The following RWDD2A variants were observed in gnomAD, a reference collection of about 807,000 sequenced individuals.
The protein encoded by RWDD2A is RWD domain containing 2A.
RWDD2A carries 15 observed loss-of-function variants against 23.1 expected under a neutral mutation model. The observed-to-expected ratio is 0.65, with a 90% CI of 0.43 to 1.00. RWDD2A has a LOEUF of 1.00. Ranked by LOEUF, RWDD2A falls within the 50% of genes least tolerant of loss-of-function variation. The probability of loss-of-function intolerance (pLI) is 0.00; values close to 1 mark genes in which losing one functional copy is unlikely to be tolerated. For missense variants in RWDD2A, 310 were observed against 341.7 expected (o/e 0.91, Z 0.73); for synonymous variants, 103 against 123.0 (o/e 0.84, Z 1.08).
In RWDD2A at chr6:83,195,813, T is replaced by C; in HGVS notation, c.420T>C (p.Leu140=). The change falls in exon 3 of 3, where the codon CTT becomes CTC. Residue 140 remains leucine (L), a synonymous_variant. Transcript: ENST00000369724. ...CATCTTATTTCCTGAACAGAAAGCTTGTATATGAACCATCTACACAAGCAA... is the reference window on the plus strand; with the variant it reads ...CATCTTATTTCCTGAACAGAAAGCTCGTATATGAACCATCTACACAAGCAA... ...NSASYFLNRK[L]VYEPSTQAKP... is the part of the protein sequence containing the mutation. 6.2e-7 allele frequency: 1 copy of C among 1,613,980 alleles called. No homozygotes were observed. The highest frequency in any genetic ancestry group is 1.1e-5 in the South Asian group (1 of 91,074).
In RWDD2A at chr6:83,195,725, G is replaced by A. The variant is rs1789560520; in HGVS notation, c.332G>A (p.Gly111Glu). The stretch of plus-strand genomic sequence containing the variant: ...AACAAAGGTCTCACTTCTTACATAG[G>A]GACTTTTGATCCAGGTGAGCTCTGT... ...LLNKGLTSYI[G>E]TFDPGELCVC... Residue 111 changes from glycine to glutamate, a missense_variant, in exon 3 of 3, where the codon GGG becomes GAG. Transcript: ENST00000369724. 1.2e-6 allele frequency: 2 copies of A among 1,614,128 alleles called. No homozygotes were observed. Among genetic ancestry groups the A allele is most frequent in the East Asian group, 4.5e-5 (2 of 44,880 alleles).
chr6:83,196,188 ATTC>A lies in RWDD2A; in HGVS notation c.798_800del (p.Phe266del). On this transcript the variant is annotated inframe_deletion, in exon 3 of 3. Transcript: ENST00000369724. ...ATGACTATCACATGAATCTGGGCCA[ATTC>A]TTAGAATTTCTCAAGAAGCACAAAA... 6.2e-7 allele frequency: 1 copy of A among 1,608,960 alleles called. No individual in the cohort carries two copies. Among genetic ancestry groups the A allele is most frequent in the Non-Finnish European group, 8.5e-7 (1 of 1,178,460 alleles).
At position 83,196,167 on chromosome 6, in the gene RWDD2A, C is replaced by G. The variant is rs1789582625; in HGVS notation, c.774C>G (p.Asp258Glu). 2 of 1,613,388 alleles carry G rather than the reference C, an allele frequency of 1.2e-6. No individual in the cohort carries two copies. The highest frequency in any genetic ancestry group is 2.7e-5 in the African/African-American group (2 of 74,894). Residue 258 changes from aspartate (D) to glutamate (E), a missense_variant, in exon 3 of 3, where the codon GAC becomes GAG. Coordinates refer to ENST00000369724, the MANE Select transcript of RWDD2A (RefSeq NM_033411.5). ...EAHGDYGLRN[D>E]YHMNLGQFLE... The stretch of plus-strand genomic sequence containing the variant: ...ATGGTGACTATGGATTAAGGAATGA[C>G]TATCACATGAATCTGGGCCAATTCT...
Position 83,196,476 on chromosome 6 carries a change from G to A in RWDD2A, c.*204G>A. 1 of 347,994 alleles carries A rather than the reference G, an allele frequency of 2.9e-6. No homozygotes were observed. The allele number at this position is 347,994 out of a possible 1,614,324, so 21.6% of individuals were successfully genotyped here. A position where few individuals can be genotyped will look rare whatever the true frequency, so the allele number is the denominator to read the frequency against. On this transcript the variant is annotated 3_prime_UTR_variant, in exon 3 of 3. Transcript: ENST00000369724. ...ATTGCAATTGTGATGTTATCTCTAG[G>A]TTTTTGTGTGAAGTCATTCAAAAAC...
In RWDD2A at chr6:83,198,867, G is replaced by A. The variant is rs1301542396; in HGVS notation, c.*2595G>A. On this transcript the variant is annotated 3_prime_UTR_variant, in exon 3 of 3. Transcript: ENST00000369724. ...ATTCTTAAATGGTTATTTGGAAAAT[G>A]TGCTCATTTATAAAAGTTACAGTGT... The A allele has an allele frequency of 6.6e-6, 1 of 152,228 alleles. No homozygotes were observed. Among genetic ancestry groups the A allele is most frequent in the Non-Finnish European group, 1.5e-5 (1 of 68,046 alleles). 9.4% of individuals were successfully genotyped at this position (152,228 alleles called of 1,614,324 possible).
At position 83,197,125 on chromosome 6, in the gene RWDD2A, T is replaced by A. The variant is rs1438167243; in HGVS notation, c.*853T>A. 1.6e-4 allele frequency: 25 copies of A among 152,234 alleles called. No homozygotes were observed. The highest frequency in any genetic ancestry group is 1.6e-3 in the Admixed American group (25 of 15,284). The allele number at this position is 152,234 out of a possible 1,614,324, so 9.4% of individuals were successfully genotyped here. A position where few individuals can be genotyped will look rare whatever the true frequency, so the allele number is the denominator to read the frequency against. On this transcript the variant is annotated 3_prime_UTR_variant, in exon 3 of 3. Transcript: ENST00000369724. ...ACACAATGCTATGTGTTCTGGCTGT[T>A]TATATCAGTTCATGATACTAGCAAT...
chr6:83,196,115 C>T lies in RWDD2A; in HGVS notation c.722C>T (p.Ser241Phe). The T allele has an allele frequency of 6.2e-7, 1 of 1,613,950 alleles. No homozygotes were observed. The highest frequency in any genetic ancestry group is 1.1e-5 in the South Asian group (1 of 91,024). ...GGTGAGGACCTGCGCCTTTTCCATT[C>T]TTTTGAAGAGTTACTCCTTGAGGCT... is the stretch of plus-strand genomic sequence containing the variant. ...GNGEDLRLFH[S>F]FEELLLEAHG... is the part of the protein sequence containing the mutation. The change falls in exon 3 of 3, where the codon TCT (serine) becomes TTT (phenylalanine). Residue 241 changes from serine (S) to phenylalanine (F), a missense_variant. Physicochemically the swap from Ser to Phe is radical, Grantham distance 155. Transcript: ENST00000369724.
At chr6:83,194,744 T>C in intron 2 of RWDD2A, 92 bp downstream of exon 2, 1 of 918,646 alleles carries the variant, frequency 1.1e-6, no homozygotes, top group Non-Finnish European at 1.7e-6. Flanking sequence ...GATAGAAATA[T>C]TCCAGGTGCA....
At position 83,195,901 on chromosome 6, in the gene RWDD2A, C is replaced by G. The variant is rs764324243; in HGVS notation, c.508C>G (p.Leu170Val). The G allele has an allele frequency of 1.9e-6, 3 of 1,614,128 alleles. No homozygotes were observed. Among genetic ancestry groups the G allele is most frequent in the Non-Finnish European group, 2.5e-6 (3 of 1,180,026 alleles). ...IYSHHIYQQD[L>V]RKKILDVGKR... ...CAGTCACCATATATATCAGCAGGAC[C>G]TAAGGAAAAAGATTTTGGATGTTGG... The change falls in exon 3 of 3, where the codon CTA (leucine) becomes GTA (valine). Residue 170 changes from leucine (L) to valine (V), a missense_variant. Leu to Val is a conservative substitution (Grantham distance 32). Transcript: ENST00000369724.
Position 83,196,396 on chromosome 6 carries a change from C to A in RWDD2A, c.*124C>A. On this transcript the variant is annotated 3_prime_UTR_variant, in exon 3 of 3. Transcript: ENST00000369724. The stretch of plus-strand genomic sequence containing the variant: ...GCAAAACCCAGCTCCAGAATTTTCA[C>A]CTGGTAACGAATTTCAACTGACAGT... 1 of 653,070 alleles carries A rather than the reference C, an allele frequency of 1.5e-6. No homozygotes were observed. The highest frequency in any genetic ancestry group is 2.4e-6 in the Non-Finnish European group (1 of 421,728). The allele number at this position is 653,070 out of a possible 1,614,324, so 40.5% of individuals were successfully genotyped here.
At position 83,194,660 on chromosome 6, in the gene RWDD2A, C is replaced by A; in HGVS notation, c.201+8C>A. 1.2e-6 allele frequency: 2 copies of A among 1,610,514 alleles called. No individual in the cohort carries two copies. Among genetic ancestry groups the A allele is most frequent in the Non-Finnish European group, 1.7e-6 (2 of 1,178,016 alleles). The stretch of plus-strand genomic sequence containing the variant: ...CAGATTGAAGAGCCCAAGGTAGGTA[C>A]CCTGATTTAAGTGTTTGCCAGGTGC... On this transcript the variant is annotated splice_region_variant and intron_variant, in intron 2 of 2. Coordinates refer to ENST00000369724, the MANE Select transcript of RWDD2A (RefSeq NM_033411.5).
In RWDD2A at chr6:83,198,933, G is replaced by C. The variant is rs1789695687; in HGVS notation, c.*2661G>C. On this transcript the variant is annotated 3_prime_UTR_variant, in exon 3 of 3. Coordinates refer to ENST00000369724, the MANE Select transcript of RWDD2A (RefSeq NM_033411.5). Reference sequence around the variant, plus strand: ...TGAAGTAAATGAAGCATATCGTCAAGTATGTTCTTTGCTTTTCATTCCTTA... The same window carrying C: ...TGAAGTAAATGAAGCATATCGTCAACTATGTTCTTTGCTTTTCATTCCTTA... The C allele has an allele frequency of 6.6e-6, 1 of 152,216 alleles. No homozygotes were observed. Among genetic ancestry groups the C allele is most frequent in the South Asian group, 2.1e-4 (1 of 4,836 alleles). 9.4% of individuals were successfully genotyped at this position (152,216 alleles called of 1,614,324 possible).
At chr6:83,194,783 C>T (rs200145276) in intron 2 of RWDD2A, 131 bp downstream of exon 2, 3 of 685,598 alleles carry the variant, frequency 4.4e-6, no homozygotes, top group East Asian at 5.4e-5. Context: ...ATACGGAATG[C>T]TCTATAAATT....
rs528084299 is a variant in RWDD2A, at chr6:83,193,406, C to G, written c.-178C>G. ...GAGGAACTGCGGCTGCGGTTCCGAG[C>G]GGGGTCTGGGGCTGTTACCATTGAG... On this transcript the variant is annotated 5_prime_UTR_variant, in exon 1 of 3. Coordinates refer to ENST00000369724, the MANE Select transcript of RWDD2A (RefSeq NM_033411.5). The G allele has an allele frequency of 6.6e-5, 10 of 152,446 alleles. No individual in the cohort carries two copies. The East Asian group carries it at 1.7e-3, about 27-fold the overall frequency. The allele number at this position is 152,446 out of a possible 1,614,324, so 9.4% of individuals were successfully genotyped here. A position where few individuals can be genotyped will look rare whatever the true frequency, so the allele number is the denominator to read the frequency against.
At position 83,196,721 on chromosome 6, in the gene RWDD2A, A is replaced by T. The variant is rs1789604382; in HGVS notation, c.*449A>T. ...CAAGTTTAAAATGAGAACAGGAAGG[A>T]CATGTTTACTTCCTTTTTTGAGACG... On this transcript the variant is annotated 3_prime_UTR_variant, in exon 3 of 3. Coordinates refer to ENST00000369724, the MANE Select transcript of RWDD2A (RefSeq NM_033411.5). 1 of 152,330 alleles carries T rather than the reference A, an allele frequency of 6.6e-6. No individual in the cohort carries two copies. The highest frequency in any genetic ancestry group is 1.5e-5 in the Non-Finnish European group (1 of 68,130). 9.4% of individuals were successfully genotyped at this position (152,330 alleles called of 1,614,324 possible).
chr6:83,194,490 A>G lies in RWDD2A; in HGVS notation c.39A>G (p.Leu13=). The G allele has an allele frequency of 6.2e-7, 1 of 1,614,032 alleles. No individual in the cohort carries two copies. The highest frequency in any genetic ancestry group is 8.5e-7 in the Non-Finnish European group (1 of 1,179,998). Residue 13 remains leucine, a synonymous_variant, in exon 2 of 3, where the codon CTA becomes CTG. Coordinates refer to ENST00000369724, the MANE Select transcript of RWDD2A (RefSeq NM_033411.5). Reference sequence around the variant, plus strand: ...TGAAAGAAAGCCTTCAGCTTCAGCTACTGGAGATGGAAATGCTGTTTTCTA... The same window carrying G: ...TGAAAGAAAGCCTTCAGCTTCAGCTGCTGGAGATGGAAATGCTGTTTTCTA... ...ASVKESLQLQ[L]LEMEMLFSMF...
chr6:83,196,271 A>G lies in RWDD2A; in HGVS notation c.878A>G (p.Ter293=), dbSNP rs1441935811. 2 of 1,541,872 alleles carry G rather than the reference A, an allele frequency of 1.3e-6. No individual in the cohort carries two copies. Among genetic ancestry groups the G allele is most frequent in the South Asian group, 1.3e-5 (1 of 76,816 alleles). Residue 293 remains the stop codon, a stop_retained_variant, in exon 3 of 3, where the codon TAA becomes TGA. Transcript: ENST00000369724. ...ATTGAAAGCAAAAGTTCAGACTCATAAAAAGCGATTAAGAGGCCTATGCCT... is the reference window on the plus strand; with the variant it reads ...ATTGAAAGCAAAAGTTCAGACTCATGAAAAGCGATTAAGAGGCCTATGCCT... ...FGIESKSSDS[*]
rs1346810804 is a variant in RWDD2A at position 83,196,188 on chromosome 6, A to G, written c.795A>G (p.Gln265=). 8 of 1,608,960 alleles carry G rather than the reference A, an allele frequency of 5.0e-6. No homozygotes were observed. The highest frequency in any genetic ancestry group is 5.9e-6 in the Non-Finnish European group (7 of 1,178,460). The change falls in exon 3 of 3, where the codon CAA becomes CAG. Residue 265 remains glutamine (Q), a synonymous_variant. Coordinates refer to ENST00000369724, the MANE Select transcript of RWDD2A (RefSeq NM_033411.5). Reference sequence around the variant, plus strand: ...ATGACTATCACATGAATCTGGGCCAATTCTTAGAATTTCTCAAGAAGCACA... The same window carrying G: ...ATGACTATCACATGAATCTGGGCCAGTTCTTAGAATTTCTCAAGAAGCACA... ...LRNDYHMNLG[Q]FLEFLKKHKS... is the part of the protein sequence containing the mutation.
chr6:83,196,216 AGT>A lies in RWDD2A; in HGVS notation c.825_826del (p.Ser275ArgfsTer11). The A allele has an allele frequency of 6.2e-7, 1 of 1,601,642 alleles. No individual in the cohort carries two copies. The highest frequency in any genetic ancestry group is 8.5e-7 in the Non-Finnish European group (1 of 1,175,566). On this transcript the variant is annotated frameshift_variant, in exon 3 of 3. Coordinates refer to ENST00000369724, the MANE Select transcript of RWDD2A (RefSeq NM_033411.5). LOFTEE classifies it high-confidence loss of function. ...CTTAGAATTTCTCAAGAAGCACAAA[AGT>A]GAGCATGTTTTTCAGATACTATTTG... Reference protein sequence around the residue: ...QFLEFLKKHKSEHVFQILFGI... With the variant: ...QFLEFLKKHKXEHVFQILFGI...
Sources: gnomAD v4.1 joint callset for allele counts on GRCh38, gnomAD v4.1.1 for gene constraint, MANE v1.5 for transcripts, NCBI Gene and HGNC (gene_info 2026-07-23, HGNC 2026-07-21) for gene names.